CNTN6: variants seen among roughly 807,000 people sequenced by gnomAD.
The protein encoded by CNTN6 is contactin-6.
Under a neutral mutation model 122.8 loss-of-function variants are expected in CNTN6, and 137 were observed. The observed-to-expected ratio is 1.12, with a 90% confidence interval of 0.97 to 1.29. CNTN6 has a LOEUF of 1.29. Ranked by LOEUF, CNTN6 falls within the 50% of genes most tolerant of loss-of-function variation. CNTN6 has a pLI of 0.00. For missense variants in CNTN6, 1,634 were observed against 1,223.4 expected (o/e 1.34, Z -5.01); for synonymous variants, 570 against 426.0 (o/e 1.34, Z -4.16).
chr3:1,230,153 A>C (rs760427185), intron 4 of CNTN6, among the ~76,000 whole-genome samples: 1 of 152,208 alleles, frequency 6.6e-6, no homozygotes, highest in Non-Finnish European at 1.5e-5. Context: ...AACAATATCA[A>C]TTGTGATAGA....
chr3:1,119,322 CGTGTGT>C (rs369235352), intron 1 of CNTN6, among the ~76,000 whole-genome samples: 3 of 126,488 alleles, frequency 2.4e-5, no homozygotes, highest in African/African-American at 6.1e-5. Flanking sequence ...ACAGAAAAAT[CGTGTGT>C]GTGTGTGTGT....
chr3:1,388,343 C>A lies in CNTN6; in HGVS notation c.2704+2546C>A, dbSNP rs1200801900. ...GCAGGGTATGCCAACAGACCTGAAG[C>A]TGAGGGTCCTGTCTGTTAGAAGGAA... On this transcript the variant is annotated intron_variant, in intron 20 of 22. Coordinates refer to ENST00000446702, the MANE Select transcript of CNTN6 (RefSeq NM_001289080.2). 1.0e-3 allele frequency among the ~76,000 whole-genome samples: 148 copies of A among 145,966 alleles called. 1 individual carries two copies. The highest frequency in any genetic ancestry group is 6.7e-3 in the South Asian group (30 of 4,480).
In CNTN6 at chr3:1,144,741, G is replaced by A. The variant is rs541014648; in HGVS notation, c.-82-3186G>A. Among the ~76,000 whole-genome samples, 124 of 152,184 alleles carry A rather than the reference G, an allele frequency of 8.1e-4. 1 individual carries two copies. The Middle Eastern group carries it at 0.014, about 17-fold the overall frequency. On this transcript the variant is annotated intron_variant, in intron 1 of 22. Transcript: ENST00000446702. ...AGATGTTTCATGATTCTACGGTACT[G>A]GGTATGATTCTAGGTTCTTTGGATG...
At chr3:1,376,109 C>CT (rs1371403837) in intron 16 of CNTN6, among the ~76,000 whole-genome samples, 1 of 152,066 alleles carries the variant, frequency 6.6e-6, no homozygotes, top group East Asian at 1.9e-4. Flanking sequence ...AAAGTATACC[C>CT]TGCTGATTTA....
intron 2 of CNTN6, among the ~76,000 whole-genome samples, chr3:1,157,229 A>AATTTTT (rs879516738): frequency 1.4e-5 from 2 of 143,466 alleles, no homozygotes; most frequent in African/African-American, 5.4e-5. Context: ...TAATTTATTT[A>AATTTTT]TTTATTTATG....
Position 1,372,828 on chromosome 3 carries a change from C to A in CNTN6, c.1669-10C>A. ...TACGTTTTTATCCATTTCTCCCTTT[C>A]TGTCTGCAGGAATCTGTTGGGGATT... On this transcript the variant is annotated splice_polypyrimidine_tract_variant and intron_variant, in intron 13 of 22. Coordinates refer to ENST00000446702, the MANE Select transcript of CNTN6 (RefSeq NM_001289080.2). 1 of 1,515,046 alleles carries A rather than the reference C, an allele frequency of 6.6e-7. No homozygotes were observed. The highest frequency in any genetic ancestry group is 9.1e-7 in the Non-Finnish European group (1 of 1,098,394). 93.9% of individuals were successfully genotyped at this position (1,515,046 alleles called of 1,614,324 possible). A position where few individuals can be genotyped will look rare whatever the true frequency, so the allele number is the denominator to read the frequency against.
intron 19 of CNTN6, among the ~76,000 whole-genome samples, chr3:1,384,288 AT>A (rs55856401): frequency 6.6e-5 from 10 of 151,096 alleles, no homozygotes; most frequent in South Asian, 2.1e-4. Context: ...AATTGCAGTC[AT>A]TTTTTTTTCC....
At chr3:1,301,637 A>G (rs981582875) in intron 7 of CNTN6, among the ~76,000 whole-genome samples, 1 of 152,190 alleles carries the variant, frequency 6.6e-6, no homozygotes, top group Non-Finnish European at 1.5e-5. Context: ...AAATTAATCA[A>G]TGTTGAGATT....
chr3:1,381,773 A>T (rs1691929016), intron 17 of CNTN6, among the ~76,000 whole-genome samples: 1 of 151,948 alleles, frequency 6.6e-6, no homozygotes, highest in East Asian at 1.9e-4. Flanking sequence ...CATGTTCTCT[A>T]CTTTTTGCCT....
At chr3:1,144,625 G>T (rs2092686230) in intron 1 of CNTN6, among the ~76,000 whole-genome samples, 1 of 151,496 alleles carries the variant, frequency 6.6e-6, no homozygotes, top group South Asian at 2.1e-4. Flanking sequence ...AGAATGAAGG[G>T]GCTTGGGGCT....
At chr3:1,256,700 T>A (rs372814857) in intron 4 of CNTN6, among the ~76,000 whole-genome samples, 1 of 152,256 alleles carries the variant, frequency 6.6e-6, no homozygotes, top group East Asian at 1.9e-4. Flanking sequence ...ATTCCAATTA[T>A]TAGACATCAG....
chr3:1,133,531 C>T (rs185717353), intron 1 of CNTN6, among the ~76,000 whole-genome samples: 1 of 152,172 alleles, frequency 6.6e-6, no homozygotes, highest in Non-Finnish European at 1.5e-5. Context: ...AATCCTTCAC[C>T]TAGTGAGAGC....
intron 1 of CNTN6, among the ~76,000 whole-genome samples, chr3:1,109,781 A>G (rs1473430319): frequency 6.6e-6 from 1 of 152,116 alleles, no homozygotes; most frequent in Non-Finnish European, 1.5e-5. Flanking sequence ...CTATTTATAT[A>G]CACACTCATA....
intron 13 of CNTN6, 78 bp from the exon 14 acceptor site, chr3:1,372,760 T>A: frequency 1.1e-6 from 1 of 871,980 alleles, no homozygotes; most frequent in South Asian, 1.7e-5. Flanking sequence ...ATGTTTCGTA[T>A]TTATCCAGCT....
In CNTN6 at chr3:1,295,746, C is replaced by T. The variant is rs958229790; in HGVS notation, c.600C>T (p.Asn200=). Residue 200 remains asparagine, a synonymous_variant, in exon 6 of 23, where the codon AAC becomes AAT. Coordinates refer to ENST00000446702, the MANE Select transcript of CNTN6 (RefSeq NM_001289080.2). The part of the protein sequence containing the change: ...DVGNYTCFIT[N]KEAQRSVQGP... ...GCAACTACACTTGCTTTATAACTAACAAAGAGGCCCAGAGAAGTGTTCAAG... is the reference window on the plus strand; with the variant it reads ...GCAACTACACTTGCTTTATAACTAATAAAGAGGCCCAGAGAAGTGTTCAAG... The T allele has an allele frequency of 3.1e-6, 5 of 1,613,924 alleles. No individual in the cohort carries two copies. Among genetic ancestry groups the T allele is most frequent in the African/African-American group, 1.3e-5 (1 of 74,930 alleles).
intron 17 of CNTN6, among the ~76,000 whole-genome samples, chr3:1,381,526 C>T (rs774396138): frequency 1.3e-5 from 2 of 152,000 alleles, no homozygotes; most frequent in African/African-American, 4.8e-5. Context: ...GATGAAGAAC[C>T]GGAACATGGT....
chr3:1,146,838 C>T (rs1218540075), intron 1 of CNTN6, among the ~76,000 whole-genome samples: 1 of 151,954 alleles, frequency 6.6e-6, no homozygotes, highest in African/African-American at 2.4e-5. Flanking sequence ...GCTGTGGTAT[C>T]AAAAGGAATG....
Position 1,292,271 on chromosome 3 carries a change from A to G in CNTN6, c.455-3330A>G, listed in dbSNP as rs547641341. On this transcript the variant is annotated intron_variant, in intron 5 of 22. Coordinates refer to ENST00000446702, the MANE Select transcript of CNTN6 (RefSeq NM_001289080.2). ...TTTTTATGCGTGTGGCAGCTCTTCA[A>G]TGTAAACAGACAGCTGTAATATGCT... Among the ~76,000 whole-genome samples the G allele has an allele frequency of 6.0e-4, 91 of 152,276 alleles. 1 individual carries two copies. The highest frequency in any genetic ancestry group is 2.1e-3 in the African/African-American group (87 of 41,574).
At chr3:1,329,656 T>C (rs531032288) in intron 10 of CNTN6, 129 bp from the exon 11 acceptor site, 1 of 714,818 alleles carries the variant, frequency 1.4e-6, no homozygotes, top group South Asian at 2.9e-5. Context: ...AAGAACACCT[T>C]GAGCAAAGTA....
Sources: gnomAD v4.1 joint callset for allele counts (sites outside exome capture counted in the v4.1 genomes callset) on GRCh38, gnomAD v4.1.1 for gene constraint, MANE v1.5 for transcripts, NCBI Gene and HGNC (gene_info 2026-07-23, HGNC 2026-07-21) for gene names.